The following FBXO47 variants were observed in gnomAD, a reference collection of about 807,000 sequenced individuals.
FBXO47 encodes F-box protein 47.
In FBXO47, 34 loss-of-function variants were observed where a neutral mutation model predicts 53.9. The observed-to-expected ratio is 0.63, with a 90% CI of 0.48 to 0.84. The LOEUF is 0.84. Among genes scored for constraint, FBXO47 ranks in the 40% least tolerant of loss-of-function variants. The pLI is 0.00. For missense variants in FBXO47, 485 were observed against 541.3 expected (o/e 0.90, Z 1.03); for synonymous variants, 165 against 181.6 (o/e 0.91, Z 0.73).
At chr17:38,965,613 G>A (rs1461475799) in intron 1 of FBXO47, among the ~76,000 whole-genome samples, 4 of 147,594 alleles carry the variant, frequency 2.7e-5, no homozygotes, top group Admixed American at 6.9e-5. Flanking sequence ...GGTGACTCAC[G>A]CCTTAATCCC....
intron 3 of FBXO47, among the ~76,000 whole-genome samples, chr17:38,958,109 G>GT (rs1468959753): frequency 3.3e-5 from 5 of 152,086 alleles, no homozygotes; most frequent in African/African-American, 1.2e-4. Context: ...GATTACAGGT[G>GT]TGAACCACCA....
intron 3 of FBXO47, among the ~76,000 whole-genome samples, chr17:38,960,258 T>A (rs542837454): frequency 6.6e-6 from 1 of 150,446 alleles, no homozygotes; most frequent in Non-Finnish European, 1.5e-5. Context: ...CACTGCAAGA[T>A]CCCATCTCAA....
At chr17:38,957,785 C>T (rs907627046) in intron 3 of FBXO47, among the ~76,000 whole-genome samples, 11 of 150,524 alleles carry the variant, frequency 7.3e-5, no homozygotes, top group South Asian at 2.1e-4. Flanking sequence ...ACTGCAGTCT[C>T]GACCTTGTGG....
intron 6 of FBXO47, among the ~76,000 whole-genome samples, chr17:38,950,362 A>T (rs1905212543): frequency 1.3e-5 from 2 of 150,362 alleles, no homozygotes; most frequent in Admixed American, 6.6e-5. Context: ...TTGTTTATCC[A>T]TTCACCTGGT....
chr17:38,937,858 C>T (rs557500752), intron 10 of FBXO47, among the ~76,000 whole-genome samples: 19 of 151,920 alleles, frequency 1.3e-4, no homozygotes, highest in South Asian at 1.0e-3. Flanking sequence ...TTAGTAGAGA[C>T]GGGGTTTCAC....
chr17:38,945,948 A>AAAAATAT (rs1184511532), intron 6 of FBXO47, among the ~76,000 whole-genome samples: 20 of 117,128 alleles, frequency 1.7e-4, no homozygotes, highest in African/African-American at 7.0e-4. Flanking sequence ...AAAAAAAAAA[A>AAAAATAT]ATATATATAT....
intron 1 of FBXO47, among the ~76,000 whole-genome samples, chr17:38,963,802 G>GTTTTTTTTTTTTTTTTTTTTTTTTTTT (rs377210713): frequency 7.8e-6 from 1 of 128,638 alleles, no homozygotes. Context: ...TTGTTTTGTT[G>GTTTTTTTTTTTTTTTTTTTTTTTTTTT]TTTTTTTTTT....
intron 5 of FBXO47, among the ~76,000 whole-genome samples, chr17:38,953,893 A>C (rs185836501): frequency 1.3e-5 from 2 of 152,272 alleles, no homozygotes; most frequent in Admixed American, 6.5e-5. Flanking sequence ...GAGGGCTTAG[A>C]CCCCTGGAAT....
At chr17:38,950,587 A>G (rs1905223342) in intron 6 of FBXO47, among the ~76,000 whole-genome samples, 1 of 151,440 alleles carries the variant, frequency 6.6e-6, no homozygotes, top group African/African-American at 2.4e-5. Context: ...AGCATGAGCC[A>G]CTGCCCTCTG....
At position 38,961,903 on chromosome 17, in the gene FBXO47, G is replaced by C. The variant is rs1023222255; in HGVS notation, c.326C>G (p.Ala109Gly). Residue 109 changes from alanine to glycine, a missense_variant, in exon 3 of 11, where the codon GCT (alanine) becomes GGT (glycine). Transcript: ENST00000378079. Reference protein sequence around the residue: ...LELPDRRQDSAILEHYRSLGL... With the variant: ...LELPDRRQDSGILEHYRSLGL... ...TAGAGATCTGTAGTGCTCCAGTATAGCAGAGTCTTGTCTCCTGTCAGGCAG... is the reference window on the plus strand; with the variant it reads ...TAGAGATCTGTAGTGCTCCAGTATACCAGAGTCTTGTCTCCTGTCAGGCAG... 3 of 1,613,848 alleles carry C rather than the reference G, an allele frequency of 1.9e-6. No individual in the cohort carries two copies. Among genetic ancestry groups the C allele is most frequent in the Non-Finnish European group, 2.5e-6 (3 of 1,179,966 alleles).
intron 1 of FBXO47, 27 bp from the exon 2 acceptor site, chr17:38,963,078 A>ACAAGAAAGAAAGGAAATTAAAG (rs918625787): frequency 4.8e-5 from 66 of 1,378,276 alleles, no homozygotes; most frequent in Non-Finnish European, 6.2e-5. Context: ...AGTACAAGAG[A>ACAAGAAAGAAAGGAAATTAAAG]CAAGAAAGAA....
intron 9 of FBXO47, among the ~76,000 whole-genome samples, chr17:38,939,323 A>AAAAAAAATAT (rs1555559726): frequency 1.4e-4 from 7 of 50,160 alleles, no homozygotes; most frequent in African/African-American, 5.3e-4. Flanking sequence ...AAAAAAAAAA[A>AAAAAAAATAT]ATATATATAT....
Position 38,963,036 on chromosome 17 carries a change from G to A in FBXO47, c.-11C>T. 1.9e-6 allele frequency: 3 copies of A among 1,600,472 alleles called. No homozygotes were observed. The highest frequency in any genetic ancestry group is 8.5e-7 in the Non-Finnish European group (1 of 1,169,890). ...TATTCTGGATGCCATTCTTCTTCTT[G>A]TCTCACAAATTTATCCTGGTCAGAA... On this transcript the variant is annotated 5_prime_UTR_variant, in exon 2 of 11. Coordinates refer to ENST00000378079, the MANE Select transcript of FBXO47 (RefSeq NM_001008777.3).
At chr17:38,953,522 G>A (rs909402675) in intron 5 of FBXO47, among the ~76,000 whole-genome samples, 2 of 152,124 alleles carry the variant, frequency 1.3e-5, no homozygotes, top group African/African-American at 4.8e-5. Context: ...CTACTTGGGA[G>A]GCTGAGGCAG....
intron 9 of FBXO47, among the ~76,000 whole-genome samples, chr17:38,939,963 G>A (rs1346808241): frequency 1.3e-5 from 2 of 151,854 alleles, no homozygotes; most frequent in African/African-American, 2.4e-5. Context: ...CACCGCGCCC[G>A]GCCAAGGTTT....
intron 9 of FBXO47, among the ~76,000 whole-genome samples, chr17:38,941,755 C>T (rs1273503378): frequency 2.0e-5 from 3 of 150,592 alleles, no homozygotes; most frequent in African/African-American, 7.3e-5. Flanking sequence ...TTCACTGTAA[C>T]CTTAAACTCC....
At chr17:38,964,680 C>A (rs894101836) in intron 1 of FBXO47, among the ~76,000 whole-genome samples, 1 of 151,846 alleles carries the variant, frequency 6.6e-6, no homozygotes, top group African/African-American at 2.4e-5. Context: ...AACAAACAAA[C>A]AAACAAAAAA....
chr17:38,953,124 A>C (rs1365514470), intron 5 of FBXO47, among the ~76,000 whole-genome samples: 3 of 96,226 alleles, frequency 3.1e-5, no homozygotes, highest in Non-Finnish European at 6.1e-5. Flanking sequence ...TAAAAAAAAA[A>C]CCACACACAC....
At chr17:38,945,949 AT>A (rs200745182) in intron 6 of FBXO47, among the ~76,000 whole-genome samples, 974 of 93,014 alleles carry the variant, frequency 0.01, 25 homozygotes, top group African/African-American at 0.03. Flanking sequence ...AAAAAAAAAA[AT>A]ATATATATAT....
Sources: gnomAD v4.1 joint callset for allele counts (sites outside exome capture counted in the v4.1 genomes callset) on GRCh38, gnomAD v4.1.1 for gene constraint, MANE v1.5 for transcripts, NCBI Gene and HGNC (gene_info 2026-07-23, HGNC 2026-07-21) for gene names.